The following CYP3A7 variants were observed in gnomAD, a reference collection of about 807,000 sequenced individuals.
The protein encoded by CYP3A7 is cytochrome P450 family 3 subfamily A member 7, also known as cytochrome P450 3A7.
Under a neutral mutation model 55.2 loss-of-function variants are expected in CYP3A7, and 45 were observed. The ratio of observed to expected loss-of-function variants is 0.82; its 90% CI spans 0.64 to 1.05. The LOEUF (loss-of-function observed/expected upper bound fraction) is 1.05, where lower values mean the gene tolerates loss of function less well. Ranked by LOEUF, CYP3A7 falls within the 50% of genes least tolerant of loss-of-function variation. The pLI, the probability that CYP3A7 is intolerant of heterozygous loss-of-function variation, is 0.00. For synonymous variants in CYP3A7, 180 were observed against 207.4 expected, an observed-to-expected ratio of 0.87 and a Z score of 1.13; for missense variants, 548 against 605.3, an observed-to-expected ratio of 0.91 and a Z score of 0.99.
intron 3 of CYP3A7, 91 bp downstream of exon 3, chr7:99,722,205 A>C (rs1814229128): frequency 1.3e-6 from 2 of 1,536,438 alleles, no homozygotes; most frequent in Non-Finnish European, 1.8e-6. Context: ...GCTTCATCGC[A>C]AGAGGCTCTG....
At position 99,731,208 on chromosome 7, in the gene CYP3A7, G is replaced by T. The variant is rs1212600985; in HGVS notation, c.72-56C>A. ...GGATTGTGACTTTATAGATATAGGG[G>T]CTGGTGAGTCACTGACTGAGGAACT... On this transcript the variant is annotated intron_variant, in intron 1 of 12. Coordinates refer to ENST00000336374, the MANE Select transcript of CYP3A7 (RefSeq NM_000765.5). 3 of 1,599,226 alleles carry T rather than the reference G, an allele frequency of 1.9e-6. No homozygotes were observed. The African/African-American group carries it at 4.0e-5, about 21-fold the overall frequency.
At chr7:99,730,037 G>C (rs2151533492) in intron 2 of CYP3A7, among the ~76,000 whole-genome samples, 1 of 152,272 alleles carries the variant, frequency 6.6e-6, no homozygotes, top group East Asian at 1.9e-4. Flanking sequence ...TGAGAAACAA[G>C]CCTCAGGTAT....
At chr7:99,710,107 A>G (rs904035630) in intron 10 of CYP3A7, among the ~76,000 whole-genome samples, 1 of 152,226 alleles carries the variant, frequency 6.6e-6, no homozygotes, top group Non-Finnish European at 1.5e-5. Flanking sequence ...ACTGCCACAC[A>G]AAGACCAGCC....
At chr7:99,733,549 T>C (rs1814710170) in intron 1 of CYP3A7, among the ~76,000 whole-genome samples, 1 of 152,192 alleles carries the variant, frequency 6.6e-6, no homozygotes, top group African/African-American at 2.4e-5. Flanking sequence ...GGCTAAGGTA[T>C]TGTCTGCCTG....
intron 2 of CYP3A7, among the ~76,000 whole-genome samples, chr7:99,727,120 T>C (rs2740558): frequency 0.76 from 115,894 of 152,118 alleles, 47,122 homozygotes; most frequent in Non-Finnish European, 0.91. Flanking sequence ...CTAGAGGCTG[T>C]TCCCATACTA....
intron 2 of CYP3A7, among the ~76,000 whole-genome samples, chr7:99,723,678 GCC>G (rs1298258573): frequency 1.3e-5 from 2 of 152,180 alleles, no homozygotes; most frequent in Non-Finnish European, 1.5e-5. Context: ...CCTCAGACCA[GCC>G]AGCCCAAGGT....
rs540897553 is a variant in CYP3A7, at chr7:99,720,463, C to A, written c.219-51G>T. 1.3e-5 allele frequency: 21 copies of A among 1,606,306 alleles called. No homozygotes were observed. The South Asian group carries it at 2.3e-4, about 18-fold the overall frequency. On this transcript the variant is annotated intron_variant, in intron 3 of 12. Coordinates refer to ENST00000336374, the MANE Select transcript of CYP3A7 (RefSeq NM_000765.5). ...AAACATCAACAGCCTTATGCTACAG[C>A]TGGAGCCAAACCCAGGAAGCCAGAC...
intron 2 of CYP3A7, among the ~76,000 whole-genome samples, chr7:99,723,506 A>C (rs1349568758): frequency 6.6e-6 from 1 of 152,146 alleles, no homozygotes; most frequent in Non-Finnish European, 1.5e-5. Flanking sequence ...GCCTGCACCC[A>C]GGTGATTAAA....
At chr7:99,723,498 C>T (rs978340225) in intron 2 of CYP3A7, among the ~76,000 whole-genome samples, 11 of 152,180 alleles carry the variant, frequency 7.2e-5, no homozygotes, top group African/African-American at 2.7e-4. Flanking sequence ...CTCAGTCAGC[C>T]TGCACCCAGG....
chr7:99,708,093 G>A, intron 11 of CYP3A7, 119 bp from the exon 12 acceptor site: 1 of 1,422,618 alleles, frequency 7.0e-7, no homozygotes, highest in Non-Finnish European at 9.8e-7. Flanking sequence ...ATACTTTTGT[G>A]GGCTAGTCAC....
intron 2 of CYP3A7, among the ~76,000 whole-genome samples, chr7:99,729,856 C>T (rs1814552104): frequency 6.6e-6 from 1 of 152,190 alleles, no homozygotes; most frequent in Non-Finnish European, 1.5e-5. Flanking sequence ...ACTCAGTTGG[C>T]CTGCACCCAA....
chr7:99,720,218 C>T, intron 4 of CYP3A7, 95 bp downstream of exon 4: 1 of 1,504,416 alleles, frequency 6.6e-7, no homozygotes, highest in Non-Finnish European at 9.1e-7. Context: ...CCTTCCTGCA[C>T]AGTTTTTAGG....
At chr7:99,717,874 G>A (rs745319537) in intron 4 of CYP3A7, among the ~76,000 whole-genome samples, 2 of 152,156 alleles carry the variant, frequency 1.3e-5, no homozygotes, top group Non-Finnish European at 2.9e-5. Context: ...CACATGGTAC[G>A]GAACCTGTTC....
At chr7:99,715,623 C>A (rs1420820706) in intron 7 of CYP3A7, 135 bp downstream of exon 7, 4 of 1,446,518 alleles carry the variant, frequency 2.8e-6, no homozygotes, top group African/African-American at 2.8e-5. Flanking sequence ...TGGTGATGGT[C>A]GTACATATCT....
chr7:99,724,708 C>G (rs1487000801), intron 2 of CYP3A7, among the ~76,000 whole-genome samples: 1 of 152,264 alleles, frequency 6.6e-6, no homozygotes, highest in South Asian at 2.1e-4. Context: ...CCTCCACCTG[C>G]CCAACAATTT....
At chr7:99,734,847 C>T (rs1216778864) in intron 1 of CYP3A7, among the ~76,000 whole-genome samples, 176 bp downstream of exon 1, 1 of 152,086 alleles carries the variant, frequency 6.6e-6, no homozygotes, top group Non-Finnish European at 1.5e-5. Flanking sequence ...GTCTTGAACT[C>T]CTGACCTCAG....
At chr7:99,730,236 C>T (rs374813649) in intron 2 of CYP3A7, among the ~76,000 whole-genome samples, 22 of 152,276 alleles carry the variant, frequency 1.4e-4, no homozygotes, top group African/African-American at 5.3e-4. Flanking sequence ...ATTAAATATT[C>T]AATAATTTTG....
intron 6 of CYP3A7, among the ~76,000 whole-genome samples, chr7:99,716,892 T>C (rs1584512594): frequency 6.6e-6 from 1 of 152,170 alleles, no homozygotes; most frequent in East Asian, 1.9e-4. Context: ...CAATCACACT[T>C]TTCCCCCTAA....
At chr7:99,714,140 T>G (rs1813850434) in intron 8 of CYP3A7, among the ~76,000 whole-genome samples, 2 of 152,216 alleles carry the variant, frequency 1.3e-5, no homozygotes, top group African/African-American at 4.8e-5. Context: ...GACCTTTTGT[T>G]GGAGAATGTG....
Sources: allele counts gnomAD v4.1 joint callset (sites outside exome capture counted in the v4.1 genomes callset), GRCh38; gene constraint gnomAD v4.1.1; transcripts MANE v1.5; gene names NCBI Gene and HGNC (gene_info 2026-07-23, HGNC 2026-07-21).